The following WASF3 variants were observed in gnomAD, a reference collection of about 807,000 sequenced individuals.
WASF3 encodes the protein WASP family member 3.
In WASF3, 11 loss-of-function variants were observed where a neutral mutation model predicts 46.6. The observed-to-expected ratio is 0.24, with a 90% CI of 0.15 to 0.39. The LOEUF (loss-of-function observed/expected upper bound fraction) is 0.39, where lower values mean the gene tolerates loss of function less well. Ranked by LOEUF, WASF3 falls within the 10% of genes least tolerant of loss-of-function variation. The probability of loss-of-function intolerance (pLI) is 1.00; values close to 1 mark genes in which losing one functional copy is unlikely to be tolerated. For missense variants in WASF3, 576 were observed against 669.8 expected (o/e 0.86, Z 1.55); for synonymous variants, 242 against 259.7 (o/e 0.93, Z 0.65).
intron 1 of WASF3, among the ~76,000 whole-genome samples, chr13:26,607,384 G>A (rs1880830592): frequency 2.0e-5 from 3 of 152,282 alleles, no homozygotes; most frequent in Admixed American, 2.0e-4. Context: ...AAAACAGGAT[G>A]GGTGTTCCAG....
intron 1 of WASF3, among the ~76,000 whole-genome samples, chr13:26,568,484 T>G (rs1413812363): frequency 2.0e-5 from 3 of 152,078 alleles, no homozygotes; most frequent in African/African-American, 7.3e-5. Context: ...CCTGAGAATT[T>G]AGAGGGGGCT....
Position 26,686,416 on chromosome 13 carries a change from T to G in WASF3, c.*571T>G, listed in dbSNP as rs1462546652. The G allele has an allele frequency of 6.6e-6, 1 of 152,460 alleles. No individual in the cohort carries two copies. Among genetic ancestry groups the G allele is most frequent in the Admixed American group, 6.5e-5 (1 of 15,320 alleles). 9.4% of individuals were successfully genotyped at this position (152,460 alleles called of 1,614,324 possible). On this transcript the variant is annotated 3_prime_UTR_variant, in exon 10 of 10. Transcript: ENST00000335327. ...TAGCCTCTGAGTGAATCTGATGCTC[T>G]GCTGAATAATTTCATTACCTCTGCA...
intron 6 of WASF3, among the ~76,000 whole-genome samples, chr13:26,673,234 T>A (rs1882971127): frequency 6.6e-6 from 1 of 152,160 alleles, no homozygotes; most frequent in Non-Finnish European, 1.5e-5. Flanking sequence ...ACTGTTTAAT[T>A]TTTTGCCACT....
At chr13:26,632,631 C>G (rs1336194171) in intron 2 of WASF3, among the ~76,000 whole-genome samples, 4 of 152,112 alleles carry the variant, frequency 2.6e-5, no homozygotes, top group African/African-American at 9.7e-5. Context: ...ATCTAAAATT[C>G]TCTTTGTTTA....
chr13:26,553,748 C>T (rs1012345623), upstream of WASF3, among the ~76,000 whole-genome samples: 5 of 150,476 alleles, frequency 3.3e-5, no homozygotes, highest in South Asian at 2.1e-4. Flanking sequence ...ACCCAGGAGG[C>T]GGAGCTTGCA....
the WASF3 span, among the ~76,000 whole-genome samples, chr13:26,550,438 G>A: frequency 6.6e-6 from 1 of 152,152 alleles, no homozygotes; most frequent in Non-Finnish European, 1.5e-5. Context: ...AAGAGGGAGG[G>A]ATGAAGAAGA....
chr13:26,670,720 A>G (rs906711562), intron 5 of WASF3, among the ~76,000 whole-genome samples: 1 of 152,198 alleles, frequency 6.6e-6, no homozygotes, highest in Non-Finnish European at 1.5e-5. Context: ...TAAAATCTCT[A>G]TCATGCAGGT....
At chr13:26,609,907 G>A (rs931562737) in intron 1 of WASF3, among the ~76,000 whole-genome samples, 1 of 152,154 alleles carries the variant, frequency 6.6e-6, no homozygotes, top group Non-Finnish European at 1.5e-5. Flanking sequence ...AATCTTAGAA[G>A]AGTACTGTCC....
intron 1 of WASF3, among the ~76,000 whole-genome samples, chr13:26,599,200 T>TTTC (rs1245892785): frequency 2.7e-5 from 4 of 150,290 alleles, no homozygotes; most frequent in African/African-American, 9.8e-5. Flanking sequence ...TTTTTTTTTT[T>TTTC]TGAGACGGAG....
chr13:26,635,751 A>G (rs1237252465), intron 2 of WASF3, among the ~76,000 whole-genome samples: 2 of 152,306 alleles, frequency 1.3e-5, no homozygotes, highest in East Asian at 3.9e-4. Context: ...CAGGTCCCTC[A>G]GCTGCAGGTC....
At chr13:26,678,698 A>C (rs3794414) in intron 7 of WASF3, among the ~76,000 whole-genome samples, 51,338 of 151,952 alleles carry the variant, frequency 0.34, 9,141 homozygotes, top group African/African-American at 0.43. Context: ...TGTTCCTGAG[A>C]ATAAATTTAA....
intron 3 of WASF3, 110 bp from the exon 4 acceptor site, chr13:26,664,918 G>C: frequency 8.6e-7 from 1 of 1,160,222 alleles, no homozygotes; most frequent in Non-Finnish European, 1.2e-6. Flanking sequence ...TTTCATACTC[G>C]TTTGCACAAA....
At chr13:26,602,599 A>G in intron 1 of WASF3, among the ~76,000 whole-genome samples, 1 of 152,220 alleles carries the variant, frequency 6.6e-6, no homozygotes, top group Non-Finnish European at 1.5e-5. Context: ...CTGTGGGTAC[A>G]GGTTTATGAA....
chr13:26,662,719 G>T (rs373918414), intron 3 of WASF3, among the ~76,000 whole-genome samples: 3 of 152,274 alleles, frequency 2.0e-5, no homozygotes, highest in East Asian at 1.9e-4. Context: ...CTGGGTATGG[G>T]ATCATTCATT....
upstream of WASF3, among the ~76,000 whole-genome samples, chr13:26,553,075 A>G (rs989664059): frequency 6.6e-6 from 1 of 152,228 alleles, no homozygotes; most frequent in Non-Finnish European, 1.5e-5. Context: ...TATTCTTATT[A>G]GGAATATGCT....
At chr13:26,549,804 C>A in the WASF3 span, among the ~76,000 whole-genome samples, 1 of 152,086 alleles carries the variant, frequency 6.6e-6, no homozygotes, top group Non-Finnish European at 1.5e-5. Context: ...AATGTTTGAA[C>A]CAGCAAAAAC....
At chr13:26,570,515 T>C (rs575793959) in intron 1 of WASF3, among the ~76,000 whole-genome samples, 1 of 152,192 alleles carries the variant, frequency 6.6e-6, no homozygotes, top group Non-Finnish European at 1.5e-5. Context: ...ATTTACCTTT[T>C]TTTCAAAAAC....
At chr13:26,648,107 C>T (rs773582854) in intron 3 of WASF3, among the ~76,000 whole-genome samples, 1 of 152,032 alleles carries the variant, frequency 6.6e-6, no homozygotes, top group Non-Finnish European at 1.5e-5. Flanking sequence ...TTACATACAT[C>T]TCTGGTTGTT....
intron 1 of WASF3, among the ~76,000 whole-genome samples, chr13:26,593,199 T>C (rs1880356191): frequency 6.6e-6 from 1 of 152,084 alleles, no homozygotes; most frequent in South Asian, 2.1e-4. Flanking sequence ...GAAGGGTCAT[T>C]TATCTTGCAA....
Sources: allele counts gnomAD v4.1 joint callset (sites outside exome capture counted in the v4.1 genomes callset), GRCh38; gene constraint gnomAD v4.1.1; transcripts MANE v1.5; gene names NCBI Gene and HGNC (gene_info 2026-07-23, HGNC 2026-07-21).